WLS: variants seen among roughly 807,000 people sequenced by gnomAD.
WLS encodes the protein Wnt ligand secretion mediator.
A neutral mutation model predicts 62.8 loss-of-function variants in WLS; 23 were observed. The observed-to-expected ratio is 0.37, with a 90% confidence interval of 0.26 to 0.52. WLS has a LOEUF of 0.52. WLS is among the 20% of genes least tolerant of loss of function. WLS has a pLI of 0.92. For synonymous variants in WLS, 246 were observed against 244.1 expected (o/e 1.01, Z -0.07); for missense variants, 615 against 697.3 (o/e 0.88, Z 1.33).
intron 1 of WLS, among the ~76,000 whole-genome samples, chr1:68,225,307 G>T (rs1326430814): frequency 2.0e-5 from 3 of 152,016 alleles, no homozygotes; most frequent in Admixed American, 6.6e-5. Flanking sequence ...AGAAAACTTA[G>T]AAAACACTAA....
chr1:68,162,467 A>G, intron 2 of WLS: 3 of 1,613,920 alleles, frequency 1.9e-6, no homozygotes, highest in South Asian at 1.1e-5. Context: ...TAGGGGTCAT[A>G]AAATATGACG....
chr1:68,107,112 C>A (rs1293176849), intron 11 of WLS, among the ~76,000 whole-genome samples: 1 of 152,018 alleles, frequency 6.6e-6, no homozygotes, highest in African/African-American at 2.4e-5. Context: ...TGTGTCTTTC[C>A]ATTTATTTAT....
At chr1:68,229,127 A>C (rs115652307) in intron 1 of WLS, among the ~76,000 whole-genome samples, 2,519 of 152,170 alleles carry the variant, frequency 0.017, 29 homozygotes, top group Non-Finnish European at 0.026. Context: ...TCCTTCCTCT[A>C]CCAATGAGGA....
intron 10 of WLS, chr1:68,141,659 C>A (rs1646688138): frequency 6.6e-6 from 1 of 152,160 alleles, no homozygotes; most frequent in South Asian, 2.1e-4. Context: ...TCTCCCACAG[C>A]AAGCCCGAGA....
intron 1 of WLS, among the ~76,000 whole-genome samples, chr1:68,212,354 G>T (rs1649549676): frequency 6.6e-6 from 1 of 152,082 alleles, no homozygotes; most frequent in Non-Finnish European, 1.5e-5. Context: ...TAAACCTTCT[G>T]GTCAATTCAC....
At chr1:68,107,633 G>A (rs1358733241) in intron 11 of WLS, among the ~76,000 whole-genome samples, 1 of 152,066 alleles carries the variant, frequency 6.6e-6, no homozygotes, top group African/African-American at 2.4e-5. Flanking sequence ...AGAGAAGGGG[G>A]AAAAAAACAT....
chr1:68,187,478 AAAAT>A (rs1344846994), intron 2 of WLS, among the ~76,000 whole-genome samples: 4 of 152,134 alleles, frequency 2.6e-5, no homozygotes, highest in Non-Finnish European at 5.9e-5. Context: ...ACATGAGAAA[AAAAT>A]AAGACATTAA....
intron 1 of WLS, among the ~76,000 whole-genome samples, chr1:68,201,680 T>G (rs1649026402): frequency 6.6e-6 from 1 of 152,226 alleles, no homozygotes; most frequent in South Asian, 2.1e-4. Context: ...CAGTTAGTTA[T>G]GCTAACATCT....
intron 11 of WLS, among the ~76,000 whole-genome samples, chr1:68,129,253 A>C (rs1412409108): frequency 6.6e-6 from 1 of 152,214 alleles, no homozygotes; most frequent in African/African-American, 2.4e-5. Context: ...TGAACCCGGA[A>C]GGCGGAGGTT....
At chr1:68,123,817 G>T (rs1646392092), downstream of WLS, among the ~76,000 whole-genome samples, 1 of 152,114 alleles carries the variant, frequency 6.6e-6, no homozygotes, top group Non-Finnish European at 1.5e-5. Flanking sequence ...GAATGGTACT[G>T]CTCTGAGAGA....
At chr1:68,230,588 C>CGCGT (rs1553139180) in intron 1 of WLS, among the ~76,000 whole-genome samples, 2,514 of 149,118 alleles carry the variant, frequency 0.017, 23 homozygotes, top group African/African-American at 0.021. Flanking sequence ...TGTGTGCGCG[C>CGCGT]GTGTGTGTGT....
chr1:68,110,692 C>CTCTCTCTCTCTCTCTCTCTCT (rs1646216637), intron 11 of WLS, among the ~76,000 whole-genome samples: 1 of 138,384 alleles, frequency 7.2e-6, no homozygotes, highest in African/African-American at 2.9e-5. Flanking sequence ...TCTCTCTCTC[C>CTCTCTCTCTCTCTCTCTCTCT]ATATATATAT....
intron 11 of WLS, among the ~76,000 whole-genome samples, chr1:68,128,925 C>G (rs1459546907): frequency 6.6e-6 from 1 of 150,424 alleles, no homozygotes; most frequent in Admixed American, 6.6e-5. Context: ...GATGCAGGCT[C>G]TCAACTTTTG....
At chr1:68,150,445 A>T (rs2100466946) in intron 5 of WLS, 89 bp from the exon 6 acceptor site, 2 of 1,535,234 alleles carry the variant, frequency 1.3e-6, no homozygotes, top group East Asian at 4.5e-5. Flanking sequence ...TTGAGACATG[A>T]GATGTTACTT....
intron 10 of WLS, among the ~76,000 whole-genome samples, chr1:68,139,549 A>G (rs1023822083): frequency 9.9e-5 from 15 of 152,206 alleles, no homozygotes; most frequent in African/African-American, 2.9e-4. Context: ...GAATATGGCA[A>G]TATGGCAGCT....
chr1:68,179,460 T>C (rs1270016021), intron 2 of WLS, among the ~76,000 whole-genome samples: 4 of 152,198 alleles, frequency 2.6e-5, no homozygotes, highest in Non-Finnish European at 4.4e-5. Context: ...TGGCAAATCA[T>C]GTAAACTCTG....
At position 68,232,225 on chromosome 1, in the gene WLS, T is replaced by C. The variant is rs752417486; in HGVS notation, c.75A>G (p.Gln25=). ...AGCCTCCCACCAGAAAGGCGATGAT[T>C]TGGAACACGAGCAGAATCCCACCAA... The part of the protein sequence containing the change: ...CIVGGILLVF[Q]IIAFLVGGLI... Residue 25 remains glutamine (Q), a synonymous_variant, in exon 1 of 12, where the codon CAA becomes CAG. Coordinates refer to ENST00000262348, the MANE Select transcript of WLS (RefSeq NM_024911.7). 8.1e-6 allele frequency: 13 copies of C among 1,614,122 alleles called. No homozygotes were observed. The East Asian group carries it at 2.2e-4, about 28-fold the overall frequency.
At position 68,135,381 on chromosome 1, in the gene WLS, C is replaced by T. The variant is rs182031027; in HGVS notation, c.1516+2399G>A. On this transcript the variant is annotated intron_variant, in intron 11 of 11. Transcript: ENST00000262348. ...CCTAGGCTGGTCTCAAACTTCTGGG[C>T]TCAAGCAATCCTCCAGCCTTGGCCT... 1.6e-4 allele frequency among the ~76,000 whole-genome samples: 21 copies of T among 129,992 alleles called. No individual in the cohort carries two copies. In the East Asian group the frequency reaches 4.9e-3, roughly 30 times the overall value. 85.3% of individuals were successfully genotyped at this position (129,992 alleles called of 152,430 possible). A position where few individuals can be genotyped will look rare whatever the true frequency, so the allele number is the denominator to read the frequency against.
chr1:68,144,904 A>G (rs2100448696), intron 9 of WLS, among the ~76,000 whole-genome samples: 1 of 152,332 alleles, frequency 6.6e-6, no homozygotes. Context: ...TTATATTCAC[A>G]ACACGTCGTG....
Sources: gnomAD v4.1 joint callset for allele counts (sites outside exome capture counted in the v4.1 genomes callset) on GRCh38, gnomAD v4.1.1 for gene constraint, MANE v1.5 for transcripts, NCBI Gene and HGNC (gene_info 2026-07-23, HGNC 2026-07-21) for gene names.